SCFD2: variants seen among roughly 807,000 people sequenced by gnomAD.
SCFD2 encodes sec1 family domain-containing protein 2.
SCFD2 carries 54 observed loss-of-function variants against 58.9 expected under a neutral mutation model. That is an observed-to-expected ratio of 0.92 (90% CI 0.74 to 1.15). The LOEUF (loss-of-function observed/expected upper bound fraction) is 1.15. SCFD2 is among the 50% of genes most tolerant of loss of function. The pLI is 0.00. For missense variants in SCFD2, 805 were observed against 836.6 expected (o/e 0.96, Z 0.47); for synonymous variants, 321 against 335.9 (o/e 0.96, Z 0.49).
intron 4 of SCFD2, among the ~76,000 whole-genome samples, chr4:53,252,332 G>T: frequency 6.6e-6 from 1 of 150,446 alleles, no homozygotes; most frequent in East Asian, 1.9e-4. Context: ...CAGATTCAGT[G>T]CCATCCCCAT....
chr4:52,990,745 T>C (rs1721596466), intron 5 of SCFD2, among the ~76,000 whole-genome samples: 1 of 152,092 alleles, frequency 6.6e-6, no homozygotes, highest in Non-Finnish European at 1.5e-5. Context: ...TGGTAGCTAC[T>C]AGTTTTAGAA....
rs140653105 is a variant in SCFD2 at position 52,962,555 on chromosome 4, G to A, written c.1562-41685C>T. 2.6e-5 allele frequency among the ~76,000 whole-genome samples: 4 copies of A among 152,254 alleles called. No homozygotes were observed. The East Asian group carries it at 7.7e-4, about 29-fold the overall frequency. ...AGCATAGCTGGGCTGGGAATGGGGTGGCAGAGGTCATTCTCCTTGGCCACA... is the reference window on the plus strand; with the variant it reads ...AGCATAGCTGGGCTGGGAATGGGGTAGCAGAGGTCATTCTCCTTGGCCACA... On this transcript the variant is annotated intron_variant, in intron 5 of 8. Coordinates refer to ENST00000401642, the MANE Select transcript of SCFD2 (RefSeq NM_152540.4).
At chr4:52,949,403 T>C (rs1028155269) in intron 5 of SCFD2, 1 of 152,252 alleles carries the variant, frequency 6.6e-6, no homozygotes. Context: ...CTGTTCTTTA[T>C]GGATGCATTG....
At chr4:53,313,039 A>C (rs1298722888) in intron 3 of SCFD2, among the ~76,000 whole-genome samples, 2 of 152,152 alleles carry the variant, frequency 1.3e-5, no homozygotes, top group Non-Finnish European at 2.9e-5. Context: ...GCCATTTAAA[A>C]CTTAAATTCC....
chr4:53,073,194 A>T (rs1413555589), intron 5 of SCFD2, among the ~76,000 whole-genome samples: 2 of 152,082 alleles, frequency 1.3e-5, no homozygotes, highest in African/African-American at 2.4e-5. Context: ...ATTAGGTATT[A>T]TAAGTAATCT....
At chr4:53,057,866 T>C (rs1201174164) in intron 5 of SCFD2, among the ~76,000 whole-genome samples, 1 of 152,068 alleles carries the variant, frequency 6.6e-6, no homozygotes, top group East Asian at 1.9e-4. Flanking sequence ...AAATGTAACG[T>C]TACCAACACC....
At chr4:52,897,042 G>T (rs931255193) in intron 7 of SCFD2, among the ~76,000 whole-genome samples, 2 of 152,298 alleles carry the variant, frequency 1.3e-5, no homozygotes, top group Middle Eastern at 3.4e-3. Flanking sequence ...CTTATCAGCT[G>T]AAGGAGATTT....
chr4:53,270,330 A>G (rs1731124286), intron 4 of SCFD2, among the ~76,000 whole-genome samples: 1 of 152,226 alleles, frequency 6.6e-6, no homozygotes, highest in African/African-American at 2.4e-5. Flanking sequence ...CTAAAAAAAA[A>G]ATACAGCAAA....
chr4:53,323,530 ATTTTTTTTTTTT>A (rs1201482656), intron 2 of SCFD2, among the ~76,000 whole-genome samples: 1 of 106,764 alleles, frequency 9.4e-6, no homozygotes, highest in Non-Finnish European at 1.8e-5. Context: ...TGCCCAGCTA[ATTTTTTTTTTTT>A]TTTTTTTTTT....
At chr4:53,340,304 G>A (rs1733822679) in intron 2 of SCFD2, among the ~76,000 whole-genome samples, 1 of 152,210 alleles carries the variant, frequency 6.6e-6, no homozygotes, top group South Asian at 2.1e-4. Flanking sequence ...CGGCACACCA[G>A]GAGATAACAT....
chr4:52,975,960 G>A (rs1035414228), intron 5 of SCFD2, among the ~76,000 whole-genome samples: 1 of 147,612 alleles, frequency 6.8e-6, no homozygotes, highest in Non-Finnish European at 1.5e-5. Flanking sequence ...ACTCATAGGT[G>A]GGAATTGAAC....
rs1731536542 is a variant in SCFD2, at chr4:53,282,489, A to G, written c.1136-8488T>C. On this transcript the variant is annotated intron_variant, in intron 3 of 8. Coordinates refer to ENST00000401642, the MANE Select transcript of SCFD2 (RefSeq NM_152540.4). The stretch of plus-strand genomic sequence containing the variant: ...CCCTTTTTAAAACAGCTTTATTGAG[A>G]TAGAACTTACATACTATAAAATTCC... Among the ~76,000 whole-genome samples the G allele has an allele frequency of 2.0e-5, 3 of 152,124 alleles. No individual in the cohort carries two copies. In the South Asian group the frequency reaches 6.2e-4, roughly 31 times the overall value.
At chr4:53,213,402 T>C (rs1216502753) in intron 4 of SCFD2, among the ~76,000 whole-genome samples, 3 of 152,062 alleles carry the variant, frequency 2.0e-5, no homozygotes, top group South Asian at 2.1e-4. Flanking sequence ...TCATTTCTCA[T>C]CAGGGACCTG....
At chr4:53,024,096 C>G (rs1389927038) in intron 5 of SCFD2, among the ~76,000 whole-genome samples, 1 of 152,130 alleles carries the variant, frequency 6.6e-6, no homozygotes, top group East Asian at 1.9e-4. Context: ...TGGAAACCTG[C>G]TGGTTTCAAG....
intron 5 of SCFD2, among the ~76,000 whole-genome samples, chr4:53,012,834 G>GT (rs5858199): frequency 0.012 from 1,639 of 134,564 alleles, 31 homozygotes; most frequent in East Asian, 0.068. Flanking sequence ...GTGTGTGTGT[G>GT]TGTTTTTTTT....
intron 3 of SCFD2, among the ~76,000 whole-genome samples, chr4:53,310,727 T>G (rs1732664617): frequency 6.6e-6 from 1 of 152,224 alleles, no homozygotes; most frequent in Non-Finnish European, 1.5e-5. Flanking sequence ...CAATTAAACA[T>G]TTTTCCTTTA....
At chr4:53,235,404 A>G (rs1333105821) in intron 4 of SCFD2, among the ~76,000 whole-genome samples, 5 of 152,208 alleles carry the variant, frequency 3.3e-5, no homozygotes, top group African/African-American at 1.2e-4. Flanking sequence ...AACTACTCCA[A>G]TTCCCATGAG....
chr4:53,149,719 T>A (rs1553881044), intron 4 of SCFD2, among the ~76,000 whole-genome samples: 1 of 152,162 alleles, frequency 6.6e-6, no homozygotes, highest in Non-Finnish European at 1.5e-5. Context: ...GATGCCATCT[T>A]CCCTCATGTG....
chr4:53,145,497 T>C lies in SCFD2; in HGVS notation c.1397A>G (p.Tyr466Cys), dbSNP rs1316279531. ...AAGGATCAGCAGTTCCTCAGGGCTG[T>C]AGTCCTCGTTGGTTCTCTGGGTTAC... ...KPVTQRTNED[Y>C]SPEELLILLI... The change falls in exon 5 of 9, where the codon TAC becomes TGC. Residue 466 changes from tyrosine (Y) to cysteine (C), a missense_variant. Physicochemically the swap from Tyr to Cys is radical, Grantham distance 194 (BLOSUM62 -2). Transcript: ENST00000401642. 2.5e-6 allele frequency: 4 copies of C among 1,614,158 alleles called. 1 individual carries two copies. In the South Asian group the frequency reaches 4.4e-5, roughly 18 times the overall value.
Sources: gnomAD v4.1 joint callset for allele counts (sites outside exome capture counted in the v4.1 genomes callset) on GRCh38, gnomAD v4.1.1 for gene constraint, MANE v1.5 for transcripts, NCBI Gene and HGNC (gene_info 2026-07-23, HGNC 2026-07-21) for gene names.